Variants in KANSL1 observed in about 807,000 individuals in gnomAD.
KANSL1 encodes MLL1/MLL complex subunit KANSL1.
A neutral mutation model predicts 103.6 loss-of-function variants in KANSL1; 22 were observed. The observed-to-expected ratio is 0.21, with a 90% CI of 0.15 to 0.30. The LOEUF is 0.30. Ranked by LOEUF, KANSL1 falls within the 10% of genes least tolerant of loss-of-function variation. The probability of loss-of-function intolerance (pLI) is 1.00; values close to 1 mark genes in which losing one functional copy is unlikely to be tolerated. For missense variants in KANSL1, 1,337 were observed against 1,399.8 expected, an observed-to-expected ratio of 0.96 and a Z score of 0.72; for synonymous variants, 600 against 527.6, an observed-to-expected ratio of 1.14 and a Z score of -1.88.
chr17:46,137,601 C>T (rs1206089950), intron 2 of KANSL1, among the ~76,000 whole-genome samples: 1 of 152,138 alleles, frequency 6.6e-6, no homozygotes, highest in East Asian at 1.9e-4. Flanking sequence ...TTTCGCCGGG[C>T]GCGGTAGCTC....
intron 3 of KANSL1, among the ~76,000 whole-genome samples, chr17:46,086,199 A>C (rs1457603501): frequency 6.6e-6 from 1 of 152,186 alleles, no homozygotes; most frequent in Non-Finnish European, 1.5e-5. Context: ...AGTATTTTCC[A>C]AAGGGAAGAA....
Position 46,082,421 on chromosome 17 carries a change from T to C in KANSL1, c.1533+20A>G, listed in dbSNP as rs1228888759. ...CCCTTAATTCTCACGCATTTCCCCC[T>C]TTCTATCTTTTATACTTACCAATTT... On this transcript the variant is annotated intron_variant, in intron 4 of 14. Coordinates refer to ENST00000432791, the MANE Select transcript of KANSL1 (RefSeq NM_015443.4). 2 of 1,512,372 alleles carry C rather than the reference T, an allele frequency of 1.3e-6. No individual in the cohort carries two copies. The highest frequency in any genetic ancestry group is 3.4e-5 in the Admixed American group (2 of 58,894). The allele number at this position is 1,512,372 out of a possible 1,614,324, so 93.7% of individuals were successfully genotyped here.
intron 2 of KANSL1, among the ~76,000 whole-genome samples, chr17:46,100,801 T>C (rs903070273): frequency 6.6e-6 from 1 of 152,248 alleles, no homozygotes; most frequent in Non-Finnish European, 1.5e-5. Flanking sequence ...TTCTCTTCCC[T>C]GATGTATTAA....
intron 6 of KANSL1, among the ~76,000 whole-genome samples, chr17:46,061,329 G>A (rs1450198648): frequency 6.6e-6 from 1 of 151,920 alleles, no homozygotes; most frequent in East Asian, 1.9e-4. Context: ...AAAATTGGCT[G>A]GTACCAATTT....
chr17:46,115,585 T>C (rs1260395714), intron 2 of KANSL1, among the ~76,000 whole-genome samples: 1 of 152,184 alleles, frequency 6.6e-6, no homozygotes, highest in Non-Finnish European at 1.5e-5. Context: ...ATATACGGGT[T>C]TTCAGTGAAC....
intron 2 of KANSL1, among the ~76,000 whole-genome samples, chr17:46,102,693 G>A (rs1280869816): frequency 1.3e-5 from 2 of 152,126 alleles, no homozygotes; most frequent in Non-Finnish European, 2.9e-5. Flanking sequence ...TTTCAGCCAA[G>A]CATTTAGCCC....
intron 1 of KANSL1, among the ~76,000 whole-genome samples, chr17:46,185,521 A>G (rs1157466589): frequency 1.3e-5 from 2 of 152,240 alleles, no homozygotes; most frequent in African/African-American, 4.8e-5. Flanking sequence ...CTGCACTTCT[A>G]GAAATCTATT....
chr17:46,051,386 G>A (rs1200831108), intron 6 of KANSL1, among the ~76,000 whole-genome samples: 2 of 147,572 alleles, frequency 1.4e-5, no homozygotes, highest in African/African-American at 4.8e-5. Context: ...TAATTCCAAA[G>A]GGTAGAAATT....
chr17:46,125,306 A>C (rs1012462001), intron 2 of KANSL1, among the ~76,000 whole-genome samples: 1 of 152,230 alleles, frequency 6.6e-6, no homozygotes, highest in African/African-American at 2.4e-5. Flanking sequence ...TCCACTATTT[A>C]TTATGACATA....
intron 1 of KANSL1, among the ~76,000 whole-genome samples, chr17:46,189,288 A>G (rs558873227): frequency 2.2e-4 from 33 of 152,154 alleles, no homozygotes; most frequent in Non-Finnish European, 4.3e-4. Flanking sequence ...TGGGGCAATC[A>G]ACAGACAACC....
chr17:46,047,554 AGATGGGTGGATC>A (rs2077555226), intron 7 of KANSL1, among the ~76,000 whole-genome samples: 1 of 152,186 alleles, frequency 6.6e-6, no homozygotes, highest in South Asian at 2.1e-4. Flanking sequence ...TGAGAGGCCA[AGATGGGTGGATC>A]ACTTGAGCTC....
chr17:46,033,288 C>T, intron 12 of KANSL1, 96 bp from the exon 13 acceptor site: 1 of 1,435,966 alleles, frequency 7.0e-7, no homozygotes. Context: ...GACAGGAATA[C>T]AAGGAGCTTG....
At chr17:46,087,368 A>G (rs777427096) in intron 3 of KANSL1, among the ~76,000 whole-genome samples, 21 of 152,322 alleles carry the variant, frequency 1.4e-4, no homozygotes, top group Middle Eastern at 3.4e-3. Context: ...CTAATTTAAT[A>G]CTGTACCTCA....
chr17:46,172,027 G>A lies in KANSL1; in HGVS notation c.117C>T (p.Asn39=), dbSNP rs747136051. ...CGTTGGCAGCAATAAGGATGTTGGC[G>A]TTGCCGTTATTTTCGGCACTGCCAG... ...LSPGSAENNG[N]ANILIAANGT... Residue 39 remains asparagine (N), a synonymous_variant, in exon 2 of 15, where the codon AAC becomes AAT. Transcript: ENST00000432791. The A allele has an allele frequency of 3.1e-5, 50 of 1,614,118 alleles. No individual in the cohort carries two copies. Among genetic ancestry groups the A allele is most frequent in the African/African-American group, 4.0e-5 (3 of 74,940 alleles).
intron 1 of KANSL1, among the ~76,000 whole-genome samples, chr17:46,191,848 A>T (rs1258552666): frequency 6.6e-6 from 1 of 152,216 alleles, no homozygotes; most frequent in Non-Finnish European, 1.5e-5. Flanking sequence ...GGCTGGAGGA[A>T]GAGAGATTTC....
chr17:46,147,438 G>A (rs1476722255), intron 2 of KANSL1, among the ~76,000 whole-genome samples: 1 of 152,082 alleles, frequency 6.6e-6, no homozygotes, highest in African/African-American at 2.4e-5. Flanking sequence ...GCCAGATGTG[G>A]TAGCATGCGC....
intron 4 of KANSL1, among the ~76,000 whole-genome samples, chr17:46,070,759 A>C (rs1374021277): frequency 6.6e-6 from 1 of 152,028 alleles, no homozygotes; most frequent in Non-Finnish European, 1.5e-5. Flanking sequence ...TATATAATTT[A>C]TATGGTATAT....
intron 2 of KANSL1, among the ~76,000 whole-genome samples, chr17:46,162,240 T>A (rs1312061295): frequency 6.6e-6 from 1 of 152,228 alleles, no homozygotes; most frequent in Non-Finnish European, 1.5e-5. Flanking sequence ...ACCTTAGGCA[T>A]GAATTTCTAC....
At chr17:46,210,415 G>A (rs546662911) in intron 1 of KANSL1, among the ~76,000 whole-genome samples, 27 of 57,242 alleles carry the variant, frequency 4.7e-4, no homozygotes, top group African/African-American at 1.6e-3. Context: ...GGAGGTTGTA[G>A]TGAGCCGAGA....
Sources: gnomAD v4.1 joint callset for allele counts (sites outside exome capture counted in the v4.1 genomes callset) on GRCh38, gnomAD v4.1.1 for gene constraint, MANE v1.5 for transcripts, NCBI Gene and HGNC (gene_info 2026-07-23, HGNC 2026-07-21) for gene names.